The following CRLF3 variants were observed in gnomAD, a reference collection of about 807,000 sequenced individuals.
The protein encoded by CRLF3 is cytokine receptor-like factor 3.
In CRLF3, 33 loss-of-function variants were observed where a neutral mutation model predicts 55.0. The observed-to-expected ratio is 0.60, with a 90% CI of 0.46 to 0.80. The LOEUF (loss-of-function observed/expected upper bound fraction) is 0.80, where lower values mean the gene tolerates loss of function less well. Among genes scored for constraint, CRLF3 ranks in the 30% least tolerant of loss-of-function variants. The pLI is 0.00. For synonymous variants in CRLF3, 238 were observed against 196.8 expected (o/e 1.21, Z -1.75); for missense variants, 494 against 538.4 (o/e 0.92, Z 0.82).
intron 1 of CRLF3, among the ~76,000 whole-genome samples, chr17:30,807,048 G>A (rs1054918509): frequency 2.0e-5 from 3 of 152,080 alleles, no homozygotes; most frequent in Non-Finnish European, 2.9e-5. Flanking sequence ...CCTGACCTGG[G>A]CGACAGAGCA....
chr17:30,811,979 G>A (rs1041611575), intron 1 of CRLF3, among the ~76,000 whole-genome samples: 4 of 151,684 alleles, frequency 2.6e-5, no homozygotes, highest in Non-Finnish European at 4.4e-5. Flanking sequence ...GCTTGGTGGC[G>A]GGCACTTGTA....
intron 1 of CRLF3, among the ~76,000 whole-genome samples, chr17:30,804,954 G>A (rs1420246507): frequency 6.6e-6 from 1 of 152,134 alleles, no homozygotes; most frequent in Non-Finnish European, 1.5e-5. Context: ...AGGCCGAGGA[G>A]GGCAGATCAT....
chr17:30,797,766 G>C (rs866687175), intron 2 of CRLF3, among the ~76,000 whole-genome samples: 14 of 145,226 alleles, frequency 9.6e-5, no homozygotes, highest in Middle Eastern at 6.4e-3. Flanking sequence ...GTGCAACAGG[G>C]GATAGGGTGT....
At chr17:30,791,087 T>C (rs560871457) in intron 6 of CRLF3, among the ~76,000 whole-genome samples, 3 of 151,390 alleles carry the variant, frequency 2.0e-5, no homozygotes, top group East Asian at 3.9e-4. Flanking sequence ...CCCTGCTAAT[T>C]TTTTTTTTCT....
chr17:30,792,012 C>A (rs745451499), intron 6 of CRLF3, among the ~76,000 whole-genome samples: 1 of 151,854 alleles, frequency 6.6e-6, no homozygotes. Context: ...CCATGCCCGG[C>A]TGATTTTGTA....
intron 1 of CRLF3, among the ~76,000 whole-genome samples, chr17:30,818,160 T>C (rs2142274737): frequency 6.6e-6 from 1 of 151,908 alleles, no homozygotes; most frequent in Non-Finnish European, 1.5e-5. Context: ...CTCAGGAGGC[T>C]GAGGCAAGAG....
rs1206910213 is a variant in CRLF3 at position 30,784,466 on chromosome 17, C to T, written c.1073-23G>A. 5 of 1,588,966 alleles carry T rather than the reference C, an allele frequency of 3.1e-6. No homozygotes were observed. The Admixed American group carries it at 5.1e-5, about 16-fold the overall frequency. On this transcript the variant is annotated intron_variant, in intron 7 of 7. Coordinates refer to ENST00000324238, the MANE Select transcript of CRLF3 (RefSeq NM_015986.4). Reference sequence around the variant, plus strand: ...CACCTAAAATGTTAAGGTAAAGAGTCATTTACATGTGAGCAATAACTAAGA... The same window carrying T: ...CACCTAAAATGTTAAGGTAAAGAGTTATTTACATGTGAGCAATAACTAAGA...
intron 1 of CRLF3, among the ~76,000 whole-genome samples, chr17:30,805,713 C>CAAAAAAA (rs58852260): frequency 2.8e-5 from 2 of 70,992 alleles, no homozygotes; most frequent in South Asian, 4.3e-4. Context: ...GACTCCGTCT[C>CAAAAAAA]AAAAAAAAAA....
At chr17:30,788,596 C>CTTTTTTTTTTT (rs1429494338) in intron 6 of CRLF3, among the ~76,000 whole-genome samples, 8 of 120,304 alleles carry the variant, frequency 6.6e-5, no homozygotes, top group African/African-American at 2.8e-4. Flanking sequence ...AAAGTAGTGC[C>CTTTTTTTTTTT]TTCTTTTTTT....
At chr17:30,799,749 C>T (rs1971976852) in intron 2 of CRLF3, among the ~76,000 whole-genome samples, 1 of 152,112 alleles carries the variant, frequency 6.6e-6, no homozygotes, top group African/African-American at 2.4e-5. Flanking sequence ...AGATGATCCG[C>T]CCCCCTCGGC....
chr17:30,812,377 G>A (rs1218135828), intron 1 of CRLF3, among the ~76,000 whole-genome samples: 3 of 152,108 alleles, frequency 2.0e-5, no homozygotes, highest in Non-Finnish European at 4.4e-5. Flanking sequence ...ACCCTGTGAA[G>A]AGAACCTGTG....
chr17:30,797,324 T>C lies in CRLF3; in HGVS notation c.412A>G (p.Ile138Val). 1 of 1,613,428 alleles carries C rather than the reference T, an allele frequency of 6.2e-7. No individual in the cohort carries two copies. Among genetic ancestry groups the C allele is most frequent in the African/African-American group, 1.3e-5 (1 of 75,072 alleles). The stretch of plus-strand genomic sequence containing the variant: ...AAACTCTTTTACCTGTCCAACTGAA[T>C]GTGCGAGGCCTTTTTGGTAAAGCTC... ...LWSFTKKASH[I>V]QLDSLPEVPL... The change falls in exon 3 of 8, where the codon ATT becomes GTT. Residue 138 changes from isoleucine to valine, a missense_variant. By Grantham distance (29) the Ile-to-Val change is conservative (BLOSUM62 3). Coordinates refer to ENST00000324238, the MANE Select transcript of CRLF3 (RefSeq NM_015986.4).
chr17:30,785,458 T>C (rs1971620499), intron 7 of CRLF3, among the ~76,000 whole-genome samples: 1 of 151,892 alleles, frequency 6.6e-6, no homozygotes, highest in African/African-American at 2.4e-5. Context: ...GCCTGGTACA[T>C]GGTAGTCACA....
chr17:30,783,928 A>G lies in CRLF3; in HGVS notation c.*259T>C, dbSNP rs1971567372. ...GGGTATAGAACTTCCTATATCTTCT[A>G]TACTTTTAATGCCAATTTGATTTTT... On this transcript the variant is annotated 3_prime_UTR_variant, in exon 8 of 8. Coordinates refer to ENST00000324238, the MANE Select transcript of CRLF3 (RefSeq NM_015986.4). 4 of 396,484 alleles carry G rather than the reference A, an allele frequency of 1.0e-5. No individual in the cohort carries two copies. The highest frequency in any genetic ancestry group is 9.1e-6 in the Non-Finnish European group (2 of 219,900). 24.6% of individuals were successfully genotyped at this position (396,484 alleles called of 1,614,324 possible). A position where few individuals can be genotyped will look rare whatever the true frequency, so the allele number is the denominator to read the frequency against.
At chr17:30,817,597 T>C (rs1160189995) in intron 1 of CRLF3, among the ~76,000 whole-genome samples, 3 of 151,990 alleles carry the variant, frequency 2.0e-5, no homozygotes, top group Non-Finnish European at 1.5e-5. Context: ...ATAATATGTA[T>C]AGAAAGATAC....
chr17:30,798,107 C>T (rs1030562335), intron 2 of CRLF3, among the ~76,000 whole-genome samples: 2 of 151,962 alleles, frequency 1.3e-5, no homozygotes, highest in Non-Finnish European at 2.9e-5. Flanking sequence ...AGGCTGGGTG[C>T]GGTAGCTCAC....
chr17:30,806,405 T>A (rs1203805337), intron 1 of CRLF3, among the ~76,000 whole-genome samples: 1 of 152,186 alleles, frequency 6.6e-6, no homozygotes, highest in Non-Finnish European at 1.5e-5. Context: ...CTACTTGTTA[T>A]AATTCAGACT....
At chr17:30,795,108 A>G (rs538075153) in intron 4 of CRLF3, among the ~76,000 whole-genome samples, 1 of 152,326 alleles carries the variant, frequency 6.6e-6, no homozygotes, top group South Asian at 2.1e-4. Flanking sequence ...CTGATAGGAA[A>G]AATAATAAAA....
At position 30,792,538 on chromosome 17, in the gene CRLF3, G is replaced by A. The variant is rs1597917777; in HGVS notation, c.861C>T (p.Ser287=). The change falls in exon 6 of 8, where the codon AGC becomes AGT. Residue 287 remains serine, a synonymous_variant. Coordinates refer to ENST00000324238, the MANE Select transcript of CRLF3 (RefSeq NM_015986.4). ...TCCGAAGTGCTATATTTCTTCGACT[G>A]CTCAGACTGTACCCCTCAAAACCAG... ...WTAGFEGYSL[S]SRRNIALRND... is the part of the protein sequence containing the mutation. The A allele has an allele frequency of 1.9e-6, 3 of 1,610,594 alleles. No individual in the cohort carries two copies. The highest frequency in any genetic ancestry group is 2.5e-6 in the Non-Finnish European group (3 of 1,177,194).
Sources: allele counts gnomAD v4.1 joint callset (sites outside exome capture counted in the v4.1 genomes callset), GRCh38; gene constraint gnomAD v4.1.1; transcripts MANE v1.5; gene names NCBI Gene and HGNC (gene_info 2026-07-23, HGNC 2026-07-21).